Variants in ICA1 observed in about 807,000 individuals in gnomAD.
ICA1 encodes islet cell autoantigen 1, also known as 69 kDa islet cell autoantigen.
A neutral mutation model predicts 71.0 loss-of-function variants in ICA1; 40 were observed. That is an observed-to-expected ratio of 0.56 (90% CI 0.44 to 0.73). The LOEUF (loss-of-function observed/expected upper bound fraction) is 0.73. Ranked by LOEUF, ICA1 falls within the 30% of genes least tolerant of loss-of-function variation. ICA1 has a pLI of 0.00. For missense variants in ICA1, 578 were observed against 576.5 expected (o/e 1.00, Z -0.03); for synonymous variants, 207 against 209.5 (o/e 0.99, Z 0.10).
At chr7:8,220,311 C>T (rs191324265) in intron 5 of ICA1, among the ~76,000 whole-genome samples, 3 of 152,174 alleles carry the variant, frequency 2.0e-5, no homozygotes, top group Non-Finnish European at 2.9e-5. Context: ...AAAACAGACA[C>T]AGCAGGTCTC....
At chr7:8,227,883 G>A (rs1390526554) in intron 4 of ICA1, 2 of 447,598 alleles carry the variant, frequency 4.5e-6, no homozygotes, top group Non-Finnish European at 9.2e-6. Flanking sequence ...AATGCACCCA[G>A]CCTACCAAAA....
At chr7:8,200,122 G>A (rs190433258) in intron 6 of ICA1, among the ~76,000 whole-genome samples, 2 of 152,008 alleles carry the variant, frequency 1.3e-5, no homozygotes, top group African/African-American at 4.8e-5. Context: ...CATTTTACAC[G>A]ATGTGATTAT....
chr7:8,160,735 G>C lies in ICA1; in HGVS notation c.580-2083C>G, dbSNP rs1803461176. 2.6e-5 allele frequency among the ~76,000 whole-genome samples: 4 copies of C among 152,164 alleles called. 1 individual carries two copies. The highest frequency in any genetic ancestry group is 9.7e-5 in the African/African-American group (4 of 41,434). On this transcript the variant is annotated intron_variant, in intron 6 of 13. Transcript: ENST00000402384. ...GATCTGGGAAGATCAAAGATCAGTA[G>C]CCACCCAGTTCCTTTCAAACTGACC...
Position 8,222,341 on chromosome 7 carries a change from C to T in ICA1, c.257-943G>A, listed in dbSNP as rs2192342. 6.6e-6 allele frequency among the ~76,000 whole-genome samples: 1 copy of T among 152,012 alleles called. No individual in the cohort carries two copies. The highest frequency in any genetic ancestry group is 6.6e-5 in the Admixed American group (1 of 15,264). On this transcript the variant is annotated intron_variant, in intron 4 of 13. Coordinates refer to ENST00000402384, the MANE Select transcript of ICA1 (RefSeq NM_001136020.3). The surrounding 1 kb of genome is among the most constrained non-coding windows in gnomAD (Gnocchi z 4.8). ...GCACCAGAGTGACACTTAGCTTCCT[C>T]GGATGTGCTTTCCCCCTAAACACAG... is the stretch of plus-strand genomic sequence containing the variant.
chr7:8,134,827 C>T (rs999796506), intron 12 of ICA1, among the ~76,000 whole-genome samples: 16 of 151,850 alleles, frequency 1.1e-4, no homozygotes, highest in Middle Eastern at 3.2e-3. Context: ...ACTCCTACTC[C>T]CTGAAAAACA....
At chr7:8,120,172 C>G (rs1416797495) in intron 13 of ICA1, among the ~76,000 whole-genome samples, 1 of 152,154 alleles carries the variant, frequency 6.6e-6, no homozygotes, top group East Asian at 1.9e-4. Context: ...ATCATTATTC[C>G]CTTTCCCCGT....
chr7:8,124,159 C>T (rs1248503287), intron 13 of ICA1, among the ~76,000 whole-genome samples: 9 of 127,466 alleles, frequency 7.1e-5, no homozygotes, highest in East Asian at 2.3e-4. Context: ...CTCGCTCTGT[C>T]GCCCAGGCTG....
At chr7:8,168,434 A>T (rs904030134) in intron 6 of ICA1, among the ~76,000 whole-genome samples, 2 of 152,128 alleles carry the variant, frequency 1.3e-5, no homozygotes, top group African/African-American at 4.8e-5. Context: ...TAAATATCAG[A>T]TCCAGACTCA....
At position 8,160,953 on chromosome 7, in the gene ICA1, A is replaced by G. The variant is rs373290565; in HGVS notation, c.580-2301T>C. On this transcript the variant is annotated intron_variant, in intron 6 of 13. Transcript: ENST00000402384. Reference sequence around the variant, plus strand: ...GGAGAATCGGGGGAGTCTGGAGGGGAAGATGTTCACTGTAGATCCCTGTGT... The same window carrying G: ...GGAGAATCGGGGGAGTCTGGAGGGGGAGATGTTCACTGTAGATCCCTGTGT... Among the ~76,000 whole-genome samples, 211 of 152,216 alleles carry G rather than the reference A, an allele frequency of 1.4e-3. 1 individual carries two copies. Among genetic ancestry groups the G allele is most frequent in the African/African-American group, 4.8e-3 (201 of 41,528 alleles).
At position 8,226,698 on chromosome 7, in the gene ICA1, T is replaced by A. The variant is rs1798697303; in HGVS notation, c.256+1903A>T. On this transcript the variant is annotated intron_variant, in intron 4 of 13. Transcript: ENST00000402384. This position sits in a 1 kb window ranked among gnomAD's most constrained non-coding sequence, Gnocchi z 4.4. ...CCTGTCTCTGCTGAGATGGCATGGC[T>A]CATGTGAGCTTAGCGGGTAGACATA... Among the ~76,000 whole-genome samples, 1 of 152,196 alleles carries A rather than the reference T, an allele frequency of 6.6e-6. No homozygotes were observed. Among genetic ancestry groups the A allele is most frequent in the African/African-American group, 2.4e-5 (1 of 41,454 alleles).
At chr7:8,250,535 T>A (rs1302401063) in intron 1 of ICA1, among the ~76,000 whole-genome samples, 1 of 152,140 alleles carries the variant, frequency 6.6e-6, no homozygotes, top group Non-Finnish European at 1.5e-5. Context: ...TCCTTTTGGA[T>A]TTTTGACGTG....
intron 8 of ICA1, among the ~76,000 whole-genome samples, chr7:8,148,414 C>G (rs1797771823): frequency 6.6e-6 from 1 of 151,028 alleles, no homozygotes; most frequent in Non-Finnish European, 1.5e-5. Context: ...TTTTTTTAAA[C>G]TTTTCTAAAT....
intron 1 of ICA1, among the ~76,000 whole-genome samples, chr7:8,238,178 T>A (rs1162477277): frequency 1.3e-5 from 2 of 152,222 alleles, no homozygotes; most frequent in Non-Finnish European, 2.9e-5. Flanking sequence ...TTTGGACTGC[T>A]GGATTATACA....
intron 8 of ICA1, among the ~76,000 whole-genome samples, chr7:8,150,987 T>C (rs1421500843): frequency 1.3e-5 from 2 of 152,254 alleles, no homozygotes; most frequent in Non-Finnish European, 2.9e-5. Context: ...TGTCCTCATT[T>C]GAAACACGGA....
intron 1 of ICA1, among the ~76,000 whole-genome samples, chr7:8,259,331 G>C (rs1213260101): frequency 6.6e-6 from 1 of 152,160 alleles, no homozygotes; most frequent in African/African-American, 2.4e-5. Flanking sequence ...AGTGACAGGG[G>C]CTTGGAAGAT....
At position 8,144,307 on chromosome 7, in the gene ICA1, A is replaced by G. The variant is rs1217345827; in HGVS notation, c.805-335T>C. On this transcript the variant is annotated intron_variant, in intron 8 of 13. Coordinates refer to ENST00000402384, the MANE Select transcript of ICA1 (RefSeq NM_001136020.3). This position sits in a 1 kb window ranked among gnomAD's most constrained non-coding sequence, Gnocchi z 4.5. ...GCTAACTTTATTTTTCAACTTCAAC[A>G]TGTAGTTAAGATAAACATTCTGTTC... 2.6e-5 allele frequency among the ~76,000 whole-genome samples: 4 copies of G among 152,238 alleles called. No homozygotes were observed. The highest frequency in any genetic ancestry group is 4.4e-5 in the Non-Finnish European group (3 of 68,040).
rs73674834 is a variant in ICA1, at chr7:8,143,082, G to T, written c.902+793C>A. 7.9e-3 allele frequency among the ~76,000 whole-genome samples: 1,195 copies of T among 152,198 alleles called. 25 individuals carry two copies. Among genetic ancestry groups the T allele is most frequent in the African/African-American group, 0.027 (1,127 of 41,558 alleles). On this transcript the variant is annotated intron_variant, in intron 9 of 13. Coordinates refer to ENST00000402384, the MANE Select transcript of ICA1 (RefSeq NM_001136020.3). Reference sequence around the variant, plus strand: ...AATTTTTTTTGTGTGTGGAAAAGGAGTAGAGAATAGAAACGAGGCCATCCA... The same window carrying T: ...AATTTTTTTTGTGTGTGGAAAAGGATTAGAGAATAGAAACGAGGCCATCCA...
intron 6 of ICA1, among the ~76,000 whole-genome samples, chr7:8,192,450 T>C (rs1786012493): frequency 6.6e-6 from 1 of 152,254 alleles, no homozygotes; most frequent in South Asian, 2.1e-4. Flanking sequence ...CACATGCTGT[T>C]GGTTAGTCCC....
intron 10 of ICA1, among the ~76,000 whole-genome samples, 163 bp from the exon 11 acceptor site, chr7:8,139,210 C>G (rs868234003): frequency 4.2e-4 from 64 of 152,190 alleles, no homozygotes; most frequent in African/African-American, 1.5e-3. Context: ...CTGCTATCAG[C>G]TCTCAGAGAA....
Sources: gnomAD v4.1 joint callset for allele counts (sites outside exome capture counted in the v4.1 genomes callset) on GRCh38, gnomAD v4.1.1 for gene constraint, Gnocchi (gnomAD v3.1) non-coding constraint, MANE v1.5 for transcripts, NCBI Gene and HGNC (gene_info 2026-07-23, HGNC 2026-07-21) for gene names.